Variants in C2orf74 observed in about 807,000 individuals in gnomAD.
The protein encoded by C2orf74 is DPM1 ER membrane anchor 1.
Under a neutral mutation model 17.9 loss-of-function variants are expected in C2orf74, and 14 were observed. That is an observed-to-expected ratio of 0.78 (90% CI 0.52 to 1.22). C2orf74 has a LOEUF of 1.22. Ranked by LOEUF, C2orf74 falls within the 50% of genes most tolerant of loss-of-function variation. C2orf74 has a pLI of 0.00. For synonymous variants in C2orf74, 79 were observed against 72.6 expected (o/e 1.09, Z -0.44); for missense variants, 217 against 218.4 (o/e 0.99, Z 0.04).
chr2:61,152,082 T>A (rs1685243711), intron 1 of C2orf74: 1 of 152,330 alleles, frequency 6.6e-6, no homozygotes, highest in African/African-American at 2.4e-5. Flanking sequence ...AAGTTGAGGC[T>A]CCCAGGTCTC....
chr2:61,149,214 T>C (rs144749854), intron 1 of C2orf74, among the ~76,000 whole-genome samples: 4 of 152,070 alleles, frequency 2.6e-5, no homozygotes, highest in African/African-American at 7.2e-5. Flanking sequence ...AAGAATAACG[T>C]TTTTGTGGGG....
At chr2:61,154,402 T>G (rs1384069983) in intron 1 of C2orf74, among the ~76,000 whole-genome samples, 1 of 152,108 alleles carries the variant, frequency 6.6e-6, no homozygotes, top group East Asian at 1.9e-4. Context: ...ATGATTTAAT[T>G]GTAATATAGT....
At position 61,162,420 on chromosome 2, in the gene C2orf74, C is replaced by A; in HGVS notation, c.-95C>A. 2 of 939,560 alleles carry A rather than the reference C, an allele frequency of 2.1e-6. No homozygotes were observed. The highest frequency in any genetic ancestry group is 1.6e-6 in the Non-Finnish European group (1 of 618,822). 58.2% of individuals were successfully genotyped at this position (939,560 alleles called of 1,614,324 possible). A position where few individuals can be genotyped will look rare whatever the true frequency, so the allele number is the denominator to read the frequency against. On this transcript the variant is annotated 5_prime_UTR_variant, in exon 2 of 5. Coordinates refer to ENST00000432605, the MANE Select transcript of C2orf74 (RefSeq NM_001143959.4). ...TTTTTATTCCTCTGTTTCTAGAAAACTTAAAGAACAAGAGAACTGCATTCA... is the reference window on the plus strand; with the variant it reads ...TTTTTATTCCTCTGTTTCTAGAAAAATTAAAGAACAAGAGAACTGCATTCA...
intron 1 of C2orf74, among the ~76,000 whole-genome samples, chr2:61,152,885 G>T (rs1253501297): frequency 8.7e-5 from 13 of 150,088 alleles, no homozygotes; most frequent in Non-Finnish European, 1.8e-4. Context: ...GGCGCGCGCG[G>T]TGGCTCGCGC....
At chr2:61,145,456 C>G (rs1015855325) in intron 1 of C2orf74, among the ~76,000 whole-genome samples, 21 of 152,026 alleles carry the variant, frequency 1.4e-4, no homozygotes, top group African/African-American at 5.1e-4. Context: ...AGATGGAGTC[C>G]TGTGTTGCCC....
intron 1 of C2orf74, among the ~76,000 whole-genome samples, chr2:61,156,820 G>C (rs1319648853): frequency 6.6e-6 from 1 of 152,186 alleles, no homozygotes; most frequent in Admixed American, 6.5e-5. Context: ...AGGAGGTGGA[G>C]GCTGCAGTGA....
At chr2:61,160,265 A>G (rs752319204), upstream of C2orf74, among the ~76,000 whole-genome samples, 2 of 151,994 alleles carry the variant, frequency 1.3e-5, no homozygotes, top group Non-Finnish European at 2.9e-5. Flanking sequence ...GGTTCAAGCA[A>G]TTCTCCTGCC....
intron 1 of C2orf74, among the ~76,000 whole-genome samples, chr2:61,147,928 T>C (rs2592496): frequency 0.43 from 65,106 of 150,350 alleles, 14,285 homozygotes; most frequent in Middle Eastern, 0.51. Flanking sequence ...CCACCACGCC[T>C]GGCTAATTTT....
chr2:61,163,123 A>C lies in C2orf74; in HGVS notation c.281A>C (p.Glu94Ala). Residue 94 changes from glutamate to alanine, a missense_variant, in exon 4 of 5, where the codon GAA (glutamate) becomes GCA (alanine). Physicochemically the swap from Glu to Ala is moderately radical, Grantham distance 107. Coordinates refer to ENST00000432605, the MANE Select transcript of C2orf74 (RefSeq NM_001143959.4). ...ATTCTTGTCCAGAGACAGAGTAAGG[A>C]AGTGTTGGCCACACCCTTAGAAAAC... ...PGILVQRQSKEVLATPLENRR... is the reference protein window; with the variant it reads ...PGILVQRQSKAVLATPLENRR... 6.4e-7 allele frequency: 1 copy of C among 1,552,196 alleles called. No homozygotes were observed. The highest frequency in any genetic ancestry group is 2.4e-5 in the East Asian group (1 of 41,070).
rs564636738 is a variant in C2orf74 at position 61,162,351 on chromosome 2, T to C, written c.-100+31T>C. The C allele has an allele frequency of 5.9e-4, 370 of 621,886 alleles. 11 individuals carry two copies. The South Asian group carries it at 7.4e-3, about 12-fold the overall frequency. The allele number at this position is 621,886 out of a possible 1,614,324, so 38.5% of individuals were successfully genotyped here. A position where few individuals can be genotyped will look rare whatever the true frequency, so the allele number is the denominator to read the frequency against. On this transcript the variant is annotated intron_variant, in intron 1 of 4. Transcript: ENST00000432605. ...TCAACTCTGCAACAAGCAGAGCATCTTTCATGAAGCTGAACTGACCAAAAG... is the reference window on the plus strand; with the variant it reads ...TCAACTCTGCAACAAGCAGAGCATCCTTCATGAAGCTGAACTGACCAAAAG...
chr2:61,156,498 A>G (rs981158109), intron 1 of C2orf74, among the ~76,000 whole-genome samples: 9 of 152,234 alleles, frequency 5.9e-5, no homozygotes, highest in African/African-American at 1.7e-4. Context: ...AAAATAAAAC[A>G]TTAATATTTT....
chr2:61,159,136 A>G (rs1056504940), upstream of C2orf74, among the ~76,000 whole-genome samples: 1 of 151,934 alleles, frequency 6.6e-6, no homozygotes, highest in Non-Finnish European at 1.5e-5. Flanking sequence ...AGCTGGGACT[A>G]CAGATGCGTG....
Position 61,164,559 on chromosome 2 carries a change from G to GT in C2orf74, c.*33dup. On this transcript the variant is annotated 3_prime_UTR_variant, in exon 5 of 5. Transcript: ENST00000432605. Reference sequence around the variant, plus strand: ...AAAAAGGGTAAGAGTGAAAGAAAATGTAACGTTTGACTAACGTTGAAAGAC... The same window carrying GT: ...AAAAAGGGTAAGAGTGAAAGAAAATGTTAACGTTTGACTAACGTTGAAAGAC... The GT allele has an allele frequency of 6.9e-7, 1 of 1,451,868 alleles. No individual in the cohort carries two copies. Among genetic ancestry groups the GT allele is most frequent in the South Asian group, 1.5e-5 (1 of 68,260 alleles). The allele number at this position is 1,451,868 out of a possible 1,614,324, so 89.9% of individuals were successfully genotyped here.
chr2:61,155,189 A>G (rs954872154), intron 1 of C2orf74, among the ~76,000 whole-genome samples: 1 of 152,218 alleles, frequency 6.6e-6, no homozygotes, highest in African/African-American at 2.4e-5. Context: ...TAATTCAACA[A>G]AGAGAAATAA....
At chr2:61,147,360 C>A (rs961619497) in intron 1 of C2orf74, among the ~76,000 whole-genome samples, 1 of 152,040 alleles carries the variant, frequency 6.6e-6, no homozygotes, top group Non-Finnish European at 1.5e-5. Context: ...CCACTTTTCC[C>A]AGACAATAAT....
chr2:61,152,851 CAAA>C (rs11334583), intron 1 of C2orf74, among the ~76,000 whole-genome samples: 236 of 82,650 alleles, frequency 2.9e-3, no homozygotes, highest in African/African-American at 8.7e-3. Flanking sequence ...TCCATCTCAC[CAAA>C]AAAAAAAAAA....
Position 61,162,583 on chromosome 2 carries a change from C to G in C2orf74, c.69C>G (p.Leu23=). 2 of 1,549,756 alleles carry G rather than the reference C, an allele frequency of 1.3e-6. No individual in the cohort carries two copies. Among genetic ancestry groups the G allele is most frequent in the Middle Eastern group, 1.7e-4 (1 of 5,992 alleles). Residue 23 remains leucine (L), a synonymous_variant, in exon 2 of 5, where the codon CTC becomes CTG. Coordinates refer to ENST00000432605, the MANE Select transcript of C2orf74 (RefSeq NM_001143959.4). Reference sequence around the variant, plus strand: ...TAATTTGCCTCATTTGCATCCTCCTCTTATTGGTGGTTTTTTTATATAAAT... The same window carrying G: ...TAATTTGCCTCATTTGCATCCTCCTGTTATTGGTGGTTTTTTTATATAAAT... ...ILLICLICIL[L]LLVVFLYKCF... is the part of the protein sequence containing the mutation.
At chr2:61,163,406 C>T (rs779314233) in intron 4 of C2orf74, among the ~76,000 whole-genome samples, 174 bp downstream of exon 4, 3 of 152,010 alleles carry the variant, frequency 2.0e-5, no homozygotes, top group Non-Finnish European at 4.4e-5. Context: ...CACATCGAGA[C>T]CAGCCTGGCC....
At position 61,146,842 on chromosome 2, in the gene C2orf74, A is replaced by C. The variant is rs183669916; in HGVS notation, c.-122+1646A>C. ...GACAGAGCAAGACTTCGTCTCAAAA[A>C]AAAAAACAAAAAACAAAAAAACTGG... On this transcript the variant is annotated intron_variant, in intron 1 of 3. Coordinates refer to the C2orf74 transcript ENST00000426997. 2.0e-3 allele frequency among the ~76,000 whole-genome samples: 302 copies of C among 151,126 alleles called. 2 individuals are homozygous for C. The highest frequency in any genetic ancestry group is 3.7e-3 in the African/African-American group (153 of 41,182).
Sources: gnomAD v4.1 joint callset for allele counts (sites outside exome capture counted in the v4.1 genomes callset) on GRCh38, gnomAD v4.1.1 for gene constraint, MANE v1.5 for transcripts, NCBI Gene and HGNC (gene_info 2026-07-23, HGNC 2026-07-21) for gene names.